The following EPHA4 variants were observed in gnomAD, a reference collection of about 807,000 sequenced individuals.
EPHA4 encodes the protein EPH receptor A4, also known as ephrin type-A receptor 4.
EPHA4 carries 19 observed loss-of-function variants against 108.3 expected under a neutral mutation model. The ratio of observed to expected loss-of-function variants is 0.18; its 90% confidence interval spans 0.12 to 0.26. The LOEUF (loss-of-function observed/expected upper bound fraction) is 0.26, where lower values mean the gene tolerates loss of function less well. Among genes scored for constraint, EPHA4 ranks in the 10% least tolerant of loss-of-function variants. The probability of loss-of-function intolerance (pLI) is 1.00; values close to 1 mark genes in which losing one functional copy is unlikely to be tolerated. For missense variants in EPHA4, 917 were observed against 1,254.0 expected (o/e 0.73, Z 4.06); for synonymous variants, 449 against 455.5 (o/e 0.99, Z 0.18).
In EPHA4 at chr2:221,526,124, T is replaced by C. The variant is rs768075709; in HGVS notation, c.824-24952A>G. Among the ~76,000 whole-genome samples the C allele has an allele frequency of 3.9e-5, 6 of 152,266 alleles. No individual in the cohort carries two copies. The South Asian group carries it at 6.2e-4, about 16-fold the overall frequency. On this transcript the variant is annotated intron_variant, in intron 3 of 17. Coordinates refer to ENST00000281821, the MANE Select transcript of EPHA4 (RefSeq NM_004438.5). ...TCTTATGAATAAGGAAACACATTATTCCCATTTTAAGCTAAGGAAACTGGG... is the reference window on the plus strand; with the variant it reads ...TCTTATGAATAAGGAAACACATTATCCCCATTTTAAGCTAAGGAAACTGGG...
intron 11 of EPHA4, among the ~76,000 whole-genome samples, chr2:221,441,750 C>G (rs891303136): frequency 6.6e-6 from 1 of 152,148 alleles, no homozygotes; most frequent in Admixed American, 6.5e-5. Flanking sequence ...CCCCCTCCTA[C>G]AAGAAGTTTG....
In EPHA4 at chr2:221,482,411, G is replaced by A; in HGVS notation, c.1259C>T (p.Ser420Phe). The change falls in exon 5 of 18, where the codon TCC becomes TTC. Residue 420 changes from serine to phenylalanine, a missense_variant. Around this residue, in one of 3 missense-constraint regions of EPHA4, gnomAD observed 758 missense variants for 1,076.7 expected, o/e 0.70. Coordinates refer to ENST00000281821, the MANE Select transcript of EPHA4 (RefSeq NM_004438.5). ...TTGGTCTGGGTTAGGGTTATATTTG[G>A]ACACTCCATTCACAGCCCAGATTTC... ...TFEIWAVNGV[S>F]KYNPNPDQSV... is the part of the protein sequence containing the mutation. The A allele has an allele frequency of 6.2e-7, 1 of 1,613,996 alleles. No individual in the cohort carries two copies. The highest frequency in any genetic ancestry group is 8.5e-7 in the Non-Finnish European group (1 of 1,179,966).
chr2:221,454,211 T>G (rs750977267), intron 8 of EPHA4, among the ~76,000 whole-genome samples: 1 of 151,656 alleles, frequency 6.6e-6, no homozygotes. Flanking sequence ...AATAAATACA[T>G]GTACCAACTG....
chr2:221,483,427 G>C (rs191590938), intron 4 of EPHA4, among the ~76,000 whole-genome samples: 30 of 151,668 alleles, frequency 2.0e-4, no homozygotes, highest in Admixed American at 5.9e-4. Context: ...CATACTGGTT[G>C]GTTAAAAAAT....
chr2:221,475,167 G>A (rs1691618486), intron 5 of EPHA4, among the ~76,000 whole-genome samples: 1 of 152,168 alleles, frequency 6.6e-6, no homozygotes, highest in South Asian at 2.1e-4. Context: ...CGCTGCACCA[G>A]GCTAACATAG....
At chr2:221,470,340 GGAGAGA>G (rs375132663) in intron 5 of EPHA4, among the ~76,000 whole-genome samples, 2 of 147,936 alleles carry the variant, frequency 1.4e-5, no homozygotes, top group Admixed American at 6.8e-5. Flanking sequence ...AGGGCGGGGG[GGAGAGA>G]GAGAGAGAGA....
rs1689634593 is a variant in EPHA4, at chr2:221,418,155, CTA to C, written c.*3215_*3216del. On this transcript the variant is annotated 3_prime_UTR_variant, in exon 18 of 18. Coordinates refer to ENST00000281821, the MANE Select transcript of EPHA4 (RefSeq NM_004438.5). Reference sequence around the variant, plus strand: ...AATAAATGACATAAGTTATGTGTACCTAAAGTTCATGAAGGGAAGAAAAATAC... The same window carrying C: ...AATAAATGACATAAGTTATGTGTACCAAGTTCATGAAGGGAAGAAAAATAC... 6.6e-6 allele frequency: 1 copy of C among 152,424 alleles called. No homozygotes were observed. The allele number at this position is 152,424 out of a possible 1,614,324, so 9.4% of individuals were successfully genotyped here. A position where few individuals can be genotyped will look rare whatever the true frequency, so the allele number is the denominator to read the frequency against.
At chr2:221,497,427 G>T (rs1692330728) in intron 4 of EPHA4, among the ~76,000 whole-genome samples, 1 of 152,038 alleles carries the variant, frequency 6.6e-6, no homozygotes, top group Non-Finnish European at 1.5e-5. Flanking sequence ...AAAGTAAGTG[G>T]GATGTGATAA....
At chr2:221,446,738 T>C (rs1574570063) in intron 8 of EPHA4, among the ~76,000 whole-genome samples, 1 of 152,232 alleles carries the variant, frequency 6.6e-6, no homozygotes, top group African/African-American at 2.4e-5. Context: ...TTGCGGTCAC[T>C]GGTTTCAGTT....
intron 3 of EPHA4, among the ~76,000 whole-genome samples, chr2:221,546,161 C>T (rs540912524): frequency 6.6e-6 from 1 of 152,288 alleles, no homozygotes; most frequent in East Asian, 1.9e-4. Context: ...TATATCCAGG[C>T]ATTCAAGCCT....
intron 3 of EPHA4, among the ~76,000 whole-genome samples, chr2:221,518,487 C>A (rs1316175898): frequency 6.6e-6 from 1 of 152,218 alleles, no homozygotes; most frequent in East Asian, 1.9e-4. Flanking sequence ...ACATCTCTAA[C>A]ATTTGGTAAC....
intron 4 of EPHA4, among the ~76,000 whole-genome samples, chr2:221,485,344 T>C (rs911546649): frequency 3.3e-5 from 5 of 152,202 alleles, no homozygotes; most frequent in Admixed American, 3.3e-4. Context: ...AAACACGTGC[T>C]AAGCTAGGGC....
At chr2:221,566,862 GA>G (rs1694654849) in intron 2 of EPHA4, among the ~76,000 whole-genome samples, 1 of 53,658 alleles carries the variant, frequency 1.9e-5, no homozygotes, top group South Asian at 7.5e-4. Context: ...AGGAGAAGAA[GA>G]AGAAGAAGAA....
intron 2 of EPHA4, among the ~76,000 whole-genome samples, chr2:221,566,854 G>GAAGAAGA (rs1559297057): frequency 1.9e-5 from 1 of 53,264 alleles, no homozygotes; most frequent in Non-Finnish European, 3.5e-5. Context: ...GAAGGAGAAG[G>GAAGAAGA]AGAAGAAGAA....
rs186914681 is a variant in EPHA4 at position 221,427,182 on chromosome 2, C to T, written c.2691-563G>A. Among the ~76,000 whole-genome samples, 3 of 152,326 alleles carry T rather than the reference C, an allele frequency of 2.0e-5. No individual in the cohort carries two copies. The East Asian group carries it at 5.8e-4, about 29-fold the overall frequency. The stretch of plus-strand genomic sequence containing the variant: ...CTTGGGACAGCAGGGAGTTAATCCC[C>T]TCTTTAATCAATCCATGCCTGACCA... On this transcript the variant is annotated intron_variant, in intron 15 of 17. Transcript: ENST00000281821.
rs1036961722 is a variant in EPHA4 at position 221,522,795 on chromosome 2, C to T, written c.824-21623G>A. 6.6e-5 allele frequency among the ~76,000 whole-genome samples: 10 copies of T among 151,518 alleles called. No individual in the cohort carries two copies. The East Asian group carries it at 1.8e-3, about 27-fold the overall frequency. On this transcript the variant is annotated intron_variant, in intron 3 of 17. Coordinates refer to ENST00000281821, the MANE Select transcript of EPHA4 (RefSeq NM_004438.5). ...ATTATTTTTTTGAGACGGAGTCTCCCTCAGTTGCCCAGGCTGGAGTGCAGT... is the reference window on the plus strand; with the variant it reads ...ATTATTTTTTTGAGACGGAGTCTCCTTCAGTTGCCCAGGCTGGAGTGCAGT...
At chr2:221,437,784 A>G (rs77613695) in intron 11 of EPHA4, among the ~76,000 whole-genome samples, 36,914 of 149,764 alleles carry the variant, frequency 0.25, 4,739 homozygotes, top group African/African-American at 0.3. Flanking sequence ...TTTGCCAAGC[A>G]TGGTGGCAGG....
chr2:221,473,723 A>G (rs1691567633), intron 5 of EPHA4, among the ~76,000 whole-genome samples: 1 of 152,078 alleles, frequency 6.6e-6, no homozygotes, highest in Non-Finnish European at 1.5e-5. Flanking sequence ...TGGAGTGACA[A>G]CTAGATAATT....
At chr2:221,464,217 G>C (rs1691236086) in intron 5 of EPHA4, among the ~76,000 whole-genome samples, 2 of 152,244 alleles carry the variant, frequency 1.3e-5, no homozygotes, top group African/African-American at 4.8e-5. Flanking sequence ...TTCATTGATA[G>C]AAAAATATAA....
Sources: allele counts gnomAD v4.1 joint callset (sites outside exome capture counted in the v4.1 genomes callset), GRCh38; gene constraint gnomAD v4.1.1; regional missense constraint gnomAD v4.1.1; transcripts MANE v1.5; gene names NCBI Gene and HGNC (gene_info 2026-07-23, HGNC 2026-07-21).